Variants in PCMTD1 observed in about 807,000 individuals in gnomAD.
The protein encoded by PCMTD1 is protein-L-isoaspartate O-methyltransferase domain-containing protein 1.
A neutral mutation model predicts 37.6 loss-of-function variants in PCMTD1; 12 were observed. That is an observed-to-expected ratio of 0.32 (90% CI 0.20 to 0.52). The LOEUF (loss-of-function observed/expected upper bound fraction) is 0.52. Ranked by LOEUF, PCMTD1 falls within the 20% of genes least tolerant of loss-of-function variation. The pLI is 0.97. For missense variants in PCMTD1, 235 were observed against 421.3 expected (o/e 0.56, Z 3.87); for synonymous variants, 117 against 135.8 (o/e 0.86, Z 0.96).
chr8:51,861,250 G>A lies in PCMTD1; in HGVS notation c.-95-4C>T. Reference sequence around the variant, plus strand: ...GATTTCCAAAAATAAATTAATCCTGGAAGGGAAGAACAAAAATAAACAGGT... The same window carrying A: ...GATTTCCAAAAATAAATTAATCCTGAAAGGGAAGAACAAAAATAAACAGGT... On this transcript the variant is annotated splice_polypyrimidine_tract_variant and splice_region_variant and intron_variant, in intron 1 of 5. Coordinates refer to ENST00000522514, the MANE Select transcript of PCMTD1 (RefSeq NM_052937.4). 6.9e-7 allele frequency: 1 copy of A among 1,442,656 alleles called. No homozygotes were observed. Among genetic ancestry groups the A allele is most frequent in the African/African-American group, 1.4e-5 (1 of 69,640 alleles). 89.4% of individuals were successfully genotyped at this position (1,442,656 alleles called of 1,614,324 possible).
intron 5 of PCMTD1, chr8:51,827,332 C>T (rs1299437823): frequency 7.8e-6 from 9 of 1,159,038 alleles, no homozygotes; most frequent in Non-Finnish European, 8.0e-6. Context: ...TCACTTTCCA[C>T]GGTTTCCGCT....
At chr8:51,833,828 A>G (rs1278063230) in intron 3 of PCMTD1, 139 bp from the exon 4 acceptor site, 4 of 546,390 alleles carry the variant, frequency 7.3e-6, no homozygotes, top group African/African-American at 1.9e-5. Context: ...TTATTTAAAT[A>G]TAATATTTAT....
Position 51,817,878 on chromosome 8 carries a change from C to G in PCMTD1, c.*2473G>C, listed in dbSNP as rs1157902939. The G allele has an allele frequency of 4.4e-6, 2 of 456,824 alleles. No homozygotes were observed. Among genetic ancestry groups the G allele is most frequent in the Admixed American group, 2.3e-5 (1 of 42,596 alleles). The allele number at this position is 456,824 out of a possible 1,614,324, so 28.3% of individuals were successfully genotyped here. Reference sequence around the variant, plus strand: ...TATCTTAGGCCCTGTCTCTAACTCACTGTATGTTTCAGGCAAAACATGCCA... The same window carrying G: ...TATCTTAGGCCCTGTCTCTAACTCAGTGTATGTTTCAGGCAAAACATGCCA... On this transcript the variant is annotated 3_prime_UTR_variant, in exon 6 of 6. Transcript: ENST00000522514.
At chr8:51,850,298 TCC>T (rs1161679523) in intron 2 of PCMTD1, among the ~76,000 whole-genome samples, 1 of 152,112 alleles carries the variant, frequency 6.6e-6, no homozygotes, top group Non-Finnish European at 1.5e-5. Flanking sequence ...TGATGTGCTC[TCC>T]CCCCATATAC....
intron 1 of PCMTD1, among the ~76,000 whole-genome samples, chr8:51,870,915 C>T (rs553600500): frequency 8.5e-5 from 13 of 152,172 alleles, no homozygotes; most frequent in African/African-American, 3.1e-4. Context: ...ATTTATTGGT[C>T]GTGCAGCCTC....
intron 1 of PCMTD1, among the ~76,000 whole-genome samples, chr8:51,880,642 T>C (rs936058588): frequency 1.3e-5 from 2 of 152,190 alleles, no homozygotes; most frequent in African/African-American, 4.8e-5. Context: ...TATCACCCAA[T>C]TGTCCAACCT....
intron 5 of PCMTD1, chr8:51,827,168 C>G: frequency 3.8e-6 from 4 of 1,046,944 alleles, no homozygotes; most frequent in Non-Finnish European, 4.6e-6. Flanking sequence ...ATTTTCAAAA[C>G]TATTTTCATG....
chr8:51,833,780 TA>T, intron 3 of PCMTD1, 91 bp from the exon 4 acceptor site: 1 of 873,182 alleles, frequency 1.1e-6, no homozygotes. Flanking sequence ...ATAATGACGT[TA>T]CCCAAATTAA....
intron 3 of PCMTD1, among the ~76,000 whole-genome samples, chr8:51,841,493 G>A (rs1325482794): frequency 2.0e-5 from 3 of 152,096 alleles, no homozygotes; most frequent in South Asian, 2.1e-4. Flanking sequence ...AATGCTTTAC[G>A]AGAAAATGGC....
At chr8:51,898,387 G>A (rs2039040478) in intron 1 of PCMTD1, among the ~76,000 whole-genome samples, 1 of 152,068 alleles carries the variant, frequency 6.6e-6, no homozygotes, top group Non-Finnish European at 1.5e-5. Flanking sequence ...ACAAAAAGAG[G>A]CCTTGGCGCC....
At position 51,887,105 on chromosome 8, in the gene PCMTD1, C is replaced by T. The variant is rs2038875259; in HGVS notation, c.-96+11825G>A. Among the ~76,000 whole-genome samples, 3 of 152,162 alleles carry T rather than the reference C, an allele frequency of 2.0e-5. No individual in the cohort carries two copies. The South Asian group carries it at 6.2e-4, about 32-fold the overall frequency. The stretch of plus-strand genomic sequence containing the variant: ...ATTTTTAAGGACCCTTATGATTACA[C>T]TGGGCTTATCGGGATAATCCAGGAT... On this transcript the variant is annotated intron_variant, in intron 1 of 5. Transcript: ENST00000522514.
intron 3 of PCMTD1, chr8:51,839,330 T>A: frequency 2.6e-6 from 1 of 384,882 alleles, no homozygotes; most frequent in Non-Finnish European, 3.6e-6. Flanking sequence ...GTAATTGACA[T>A]ACTCTTAATA....
At position 51,820,177 on chromosome 8, in the gene PCMTD1, G is replaced by C. The variant is rs2037822129; in HGVS notation, c.*174C>G. 4.0e-6 allele frequency: 2 copies of C among 498,696 alleles called. No individual in the cohort carries two copies. Among genetic ancestry groups the C allele is most frequent in the Non-Finnish European group, 6.5e-6 (2 of 307,510 alleles). The allele number at this position is 498,696 out of a possible 1,614,324, so 30.9% of individuals were successfully genotyped here. On this transcript the variant is annotated 3_prime_UTR_variant, in exon 6 of 6. Coordinates refer to ENST00000522514, the MANE Select transcript of PCMTD1 (RefSeq NM_052937.4). ...TTAAAGAAAAATAGATTTTATAAAA[G>C]GGATTCTTTTATTCACTGAATACAT...
chr8:51,896,449 T>C (rs1585867979), intron 1 of PCMTD1: 1 of 152,266 alleles, frequency 6.6e-6, no homozygotes, highest in Non-Finnish European at 1.5e-5. Flanking sequence ...AGCACACTAA[T>C]TTACAAAAAA....
chr8:51,833,671 AG>A lies in PCMTD1; in HGVS notation c.428del (p.Pro143LeufsTer11). ...DSFDKFEFCEPAFVVGNCLQI... is the reference protein window; with the variant it reads ...DSFDKFEFCEXAFVVGNCLQI... ...GGAGGCAATTACCAACAACAAATGC[AG>A]GTTCACAGAACTCAAATCTGCATTG... On this transcript the variant is annotated frameshift_variant, in exon 4 of 6. Coordinates refer to ENST00000522514, the MANE Select transcript of PCMTD1 (RefSeq NM_052937.4). LOFTEE classifies it high-confidence loss of function. The A allele has an allele frequency of 6.2e-7, 1 of 1,608,844 alleles. No individual in the cohort carries two copies. Among genetic ancestry groups the A allele is most frequent in the South Asian group, 1.1e-5 (1 of 90,230 alleles).
intron 2 of PCMTD1, chr8:51,849,443 G>C (rs1380692396): frequency 6.6e-6 from 1 of 151,936 alleles, no homozygotes; most frequent in African/African-American, 2.4e-5. Flanking sequence ...TATGAAACAA[G>C]GGCTTAATTT....
At chr8:51,828,678 T>C (rs1393892929) in intron 5 of PCMTD1, among the ~76,000 whole-genome samples, 2 of 152,206 alleles carry the variant, frequency 1.3e-5, no homozygotes, top group Admixed American at 6.5e-5. Flanking sequence ...TGATTTACAA[T>C]GGGTTTATCT....
intron 1 of PCMTD1, among the ~76,000 whole-genome samples, chr8:51,889,427 G>A (rs1375676683): frequency 2.0e-5 from 3 of 152,138 alleles, no homozygotes; most frequent in Non-Finnish European, 4.4e-5. Flanking sequence ...GGAAACGAAG[G>A]AAAGGGATTA....
intron 5 of PCMTD1, among the ~76,000 whole-genome samples, chr8:51,829,178 C>T (rs1412442090): frequency 1.3e-5 from 2 of 152,080 alleles, no homozygotes; most frequent in African/African-American, 4.8e-5. Context: ...TGACTCTCAC[C>T]AATCTGTAAA....
Sources: allele counts gnomAD v4.1 joint callset (sites outside exome capture counted in the v4.1 genomes callset), GRCh38; gene constraint gnomAD v4.1.1; transcripts MANE v1.5; gene names NCBI Gene and HGNC (gene_info 2026-07-23, HGNC 2026-07-21).